DDX11: variants seen among roughly 807,000 people sequenced by gnomAD.
The protein encoded by DDX11 is DEAD/H-box helicase 11.
A neutral mutation model predicts 125.2 loss-of-function variants in DDX11; 72 were observed. The ratio of observed to expected loss-of-function variants is 0.58; its 90% CI spans 0.48 to 0.70. The LOEUF is 0.70. Ranked by LOEUF, DDX11 falls within the 30% of genes least tolerant of loss-of-function variation. DDX11 has a pLI of 0.00. For synonymous variants in DDX11, 347 were observed against 452.6 expected (o/e 0.77, Z 2.96); for missense variants, 883 against 1,165.0 (o/e 0.76, Z 3.52).
rs747008760 is a variant in DDX11, at chr12:31,084,042, A to T, written c.374A>T (p.Asp125Val). 4.3e-6 allele frequency: 7 copies of T among 1,613,884 alleles called. No homozygotes were observed. In the South Asian group the frequency reaches 7.7e-5, roughly 18 times the overall value. The change falls in exon 3 of 27, where the codon GAC becomes GTC. Residue 125 changes from aspartate (D) to valine (V), a missense_variant. By Grantham distance (152) the Asp-to-Val change is radical (BLOSUM62 -3). Coordinates refer to ENST00000542838, the MANE Select transcript of DDX11 (RefSeq NM_030653.4). The part of the protein sequence containing the change: ...TQFVQKKEER[D>V]LVDRLKAEQA... ...TTTGTGCAGAAGAAAGAAGAGAGGG[A>T]CCTGGTGGACCGACTAAAGGTGAGA...
chr12:31,103,532 G>T lies in DDX11; in HGVS notation c.2537-45G>T, dbSNP rs758828388. On this transcript the variant is annotated intron_variant, in intron 25 of 26. Coordinates refer to ENST00000542838, the MANE Select transcript of DDX11 (RefSeq NM_030653.4). Reference sequence around the variant, plus strand: ...GTCGCCGTGGGAATGTGCTGTAGGGGGGAGGCAGGTGTTGCTCGGAGCCCC... The same window carrying T: ...GTCGCCGTGGGAATGTGCTGTAGGGTGGAGGCAGGTGTTGCTCGGAGCCCC... The T allele has an allele frequency of 6.2e-6, 10 of 1,613,700 alleles. No individual in the cohort carries two copies. The South Asian group carries it at 9.9e-5, about 16-fold the overall frequency.
intron 1 of DDX11, among the ~76,000 whole-genome samples, chr12:31,075,269 A>T (rs1170695478): frequency 7.5e-6 from 1 of 133,486 alleles, no homozygotes; most frequent in Non-Finnish European, 1.6e-5. Flanking sequence ...TGAGATCCAT[A>T]ATTACCACTG....
At chr12:31,099,471 AT>A (rs1946001726) in intron 18 of DDX11, among the ~76,000 whole-genome samples, 1 of 151,504 alleles carries the variant, frequency 6.6e-6, no homozygotes, top group South Asian at 2.1e-4. Flanking sequence ...TGTGTGCTAC[AT>A]TAACATACTT....
chr12:31,097,704 A>C (rs7971279), intron 17 of DDX11, among the ~76,000 whole-genome samples, 181 bp from the exon 18 acceptor site: 1,936 of 141,744 alleles, frequency 0.014, 65 homozygotes, highest in African/African-American at 0.047. Flanking sequence ...AAAAGGATGG[A>C]GAGGACAGTG....
At chr12:31,099,916 C>T (rs1458396469) in intron 18 of DDX11, among the ~76,000 whole-genome samples, 4 of 152,130 alleles carry the variant, frequency 2.6e-5, no homozygotes, top group Non-Finnish European at 5.9e-5. Context: ...TAAGCAAAAA[C>T]GTGTCTTCAT....
Position 31,083,877 on chromosome 12 carries a change from G to A in DDX11, c.209G>A (p.Arg70His), listed in dbSNP as rs758984389. ...CTCCGTGACTTTGAACAGAAGAAGC[G>A]TGAAGAAGAGGCACGACTCCTTGAA... Reference protein sequence around the residue: ...SWLRDFEQKKREEEARLLETG... With the variant: ...SWLRDFEQKKHEEEARLLETG... The change falls in exon 3 of 27, where the codon CGT becomes CAT. Residue 70 changes from arginine to histidine, a missense_variant. Physicochemically the swap from Arg to His is conservative, Grantham distance 29. This residue lies in a region of DDX11 where 283 missense variants were observed against 359.6 expected (regional missense o/e 0.79). Transcript: ENST00000542838. 1.5e-5 allele frequency: 24 copies of A among 1,613,002 alleles called. No homozygotes were observed. The highest frequency in any genetic ancestry group is 1.8e-4 in the Middle Eastern group (1 of 5,406).
rs781413815 is a variant in DDX11, at chr12:31,083,891, C to G, written c.223C>G (p.Arg75Gly). ...ACAGAAGAAGCGTGAAGAAGAGGCA[C>G]GACTCCTTGAAACTGGAACTGGCCC... is the stretch of plus-strand genomic sequence containing the variant. ...FEQKKREEEARLLETGTGPLH... is the reference protein window; with the variant it reads ...FEQKKREEEAGLLETGTGPLH... The change falls in exon 3 of 27, where the codon CGA becomes GGA. Residue 75 changes from arginine (R) to glycine (G), a missense_variant. By Grantham distance (125) the Arg-to-Gly change is moderately radical (BLOSUM62 -2). Around this residue, in one of 5 missense-constraint regions of DDX11, gnomAD observed 283 missense variants for 359.6 expected, o/e 0.79. Transcript: ENST00000542838. The G allele has an allele frequency of 2.5e-6, 4 of 1,613,518 alleles. No individual in the cohort carries two copies. The Admixed American group carries it at 5.0e-5, about 20-fold the overall frequency.
intron 8 of DDX11, 170 bp from the exon 9 acceptor site, chr12:31,089,716 A>G (rs1360680780): frequency 2.8e-5 from 38 of 1,340,460 alleles, no homozygotes; most frequent in Admixed American, 2.0e-4. Context: ...TCTGGAGAAC[A>G]GAAGTAAAAC....
At chr12:31,097,246 TG>T (rs548665755) in intron 17 of DDX11, among the ~76,000 whole-genome samples, 174 of 151,774 alleles carry the variant, frequency 1.1e-3, no homozygotes, top group African/African-American at 4.1e-3. Flanking sequence ...GGAGCTGGGA[TG>T]GGGGTCCTCT....
chr12:31,079,327 C>T (rs1225470025), intron 2 of DDX11, among the ~76,000 whole-genome samples: 5 of 147,046 alleles, frequency 3.4e-5, no homozygotes, highest in Admixed American at 6.9e-5. Context: ...TAACTCCTGT[C>T]TTAGTCGGCC....
At chr12:31,100,515 T>C (rs1946177972) in intron 18 of DDX11, 120 bp from the exon 19 acceptor site, 1 of 878,474 alleles carries the variant, frequency 1.1e-6, no homozygotes, top group Admixed American at 2.8e-5. Flanking sequence ...ATCAGCCTTT[T>C]CTTTGACCTC....
intron 23 of DDX11, 90 bp from the exon 24 acceptor site, chr12:31,102,846 G>A (rs1313358450): frequency 5.3e-6 from 6 of 1,134,586 alleles, no homozygotes; most frequent in African/African-American, 3.1e-5. Flanking sequence ...AGAGGCTGAG[G>A]GAAGGGGTAG....
intron 20 of DDX11, 142 bp downstream of exon 20, chr12:31,101,272 T>C: frequency 1.3e-6 from 1 of 741,236 alleles, no homozygotes; most frequent in Non-Finnish European, 2.4e-6. Context: ...CCACACAGAA[T>C]GAGCGGCGTC....
chr12:31,099,076 C>CTTT (rs1945864738), intron 18 of DDX11, among the ~76,000 whole-genome samples: 4 of 60,570 alleles, frequency 6.6e-5, no homozygotes, highest in Middle Eastern at 7.9e-3. Context: ...GTATTTCTTT[C>CTTT]TTTCTTTCTT....
chr12:31,104,217 G>A lies in DDX11; in HGVS notation c.*381G>A. On this transcript the variant is annotated 3_prime_UTR_variant, in exon 27 of 27. Transcript: ENST00000542838. ...CCACCTTCTTAAGAGGCGAGATGGA[G>A]CAGGCCCATCTGCCTCTGCCCTTTC... 2.2e-6 allele frequency: 2 copies of A among 893,240 alleles called. No homozygotes were observed. Among genetic ancestry groups the A allele is most frequent in the South Asian group, 1.8e-5 (1 of 55,132 alleles). 55.3% of individuals were successfully genotyped at this position (893,240 alleles called of 1,614,324 possible). A position where few individuals can be genotyped will look rare whatever the true frequency, so the allele number is the denominator to read the frequency against.
Position 31,103,318 on chromosome 12 carries a change from C to G in DDX11, c.2459C>G (p.Pro820Arg), listed in dbSNP as rs1383641899. The G allele has an allele frequency of 6.2e-7, 1 of 1,610,820 alleles. No individual in the cohort carries two copies. The highest frequency in any genetic ancestry group is 1.3e-5 in the African/African-American group (1 of 74,932). ...ATGGGTCTTCCCCTTCACTCCCAGCCCAGAGCCCCCGGCCAGGCACCCCCA... is the reference window on the plus strand; with the variant it reads ...ATGGGTCTTCCCCTTCACTCCCAGCGCAGAGCCCCCGGCCAGGCACCCCCA... ...EKMAYLDQTL[P>R]RAPGQAPPGK... Residue 820 changes from proline to arginine, a missense_variant and splice_region_variant, in exon 25 of 27, where the codon CCC becomes CGC. Pro to Arg is a moderately radical substitution (Grantham distance 103, BLOSUM62 -2). Coordinates refer to ENST00000542838, the MANE Select transcript of DDX11 (RefSeq NM_030653.4).
chr12:31,084,715 G>T lies in DDX11; in HGVS notation c.480+46G>T, dbSNP rs1264847226. ...GGCAGGATTATGTCCAGGCAGGGTT[G>T]CTCTGCTTGGAGGCTCATGGGTGCG... is the stretch of plus-strand genomic sequence containing the variant. On this transcript the variant is annotated intron_variant, in intron 4 of 26. Transcript: ENST00000542838. The T allele has an allele frequency of 8.4e-6, 13 of 1,545,004 alleles. No individual in the cohort carries two copies. The African/African-American group carries it at 1.5e-4, about 18-fold the overall frequency.
intron 10 of DDX11, among the ~76,000 whole-genome samples, chr12:31,092,265 C>T (rs1257394424): frequency 6.6e-6 from 1 of 152,044 alleles, no homozygotes; most frequent in Non-Finnish European, 1.5e-5. Flanking sequence ...TCCTGCTGCC[C>T]TATCATGCGC....
In DDX11 at chr12:31,092,851, C is replaced by T. The variant is rs906308239; in HGVS notation, c.1248C>T (p.Cys416=). The T allele has an allele frequency of 2.5e-6, 4 of 1,613,966 alleles. No individual in the cohort carries two copies. Among genetic ancestry groups the T allele is most frequent in the Admixed American group, 3.3e-5 (2 of 60,018 alleles). ...HSVEVSGSQL[C]QAHSQLLQYV... is the part of the protein sequence containing the mutation. ...GGTTTGTGTTCTTTCCCCAGCTCTG[C>T]CAGGCCCATTCCCAGCTGCTGCAGT... The change falls in exon 11 of 27, where the codon TGC becomes TGT. Residue 416 remains cysteine (C), a synonymous_variant. Coordinates refer to ENST00000542838, the MANE Select transcript of DDX11 (RefSeq NM_030653.4).
Sources: gnomAD v4.1 joint callset for allele counts (sites outside exome capture counted in the v4.1 genomes callset) on GRCh38, gnomAD v4.1.1 for gene constraint, gnomAD v4.1.1 regional missense constraint, MANE v1.5 for transcripts, NCBI Gene and HGNC (gene_info 2026-07-23, HGNC 2026-07-21) for gene names.